DNAH17: variants seen among roughly 807,000 people sequenced by gnomAD.
DNAH17 encodes axonemal beta dynein heavy chain 17.
DNAH17 carries 376 observed loss-of-function variants against 485.6 expected under a neutral mutation model. The observed-to-expected ratio is 0.77, with a 90% CI of 0.71 to 0.84. The LOEUF (loss-of-function observed/expected upper bound fraction) is 0.84. Ranked by LOEUF, DNAH17 falls within the 40% of genes least tolerant of loss-of-function variation. The pLI is 0.00. For missense variants in DNAH17, 6,370 were observed against 5,839.3 expected, an observed-to-expected ratio of 1.09 and a Z score of -2.96; for synonymous variants, 3,031 against 2,405.9, an observed-to-expected ratio of 1.26 and a Z score of -7.60.
At chr17:78,572,943 C>T (rs763010631) in intron 2 of DNAH17, 49 bp from the exon 3 acceptor site, 25 of 1,553,706 alleles carry the variant, frequency 1.6e-5, no homozygotes, top group Admixed American at 5.5e-5. Context: ...TTCACCAGCT[C>T]GGCAACCGCA....
intron 50 of DNAH17, 125 bp downstream of exon 50, chr17:78,479,360 T>C (rs1317896535): frequency 1.6e-6 from 2 of 1,277,178 alleles, no homozygotes; most frequent in Non-Finnish European, 2.1e-6. Flanking sequence ...AAACATAGCA[T>C]CGTTTTTAAG....
chr17:78,462,043 G>A (rs1443980100), intron 57 of DNAH17, among the ~76,000 whole-genome samples: 2 of 151,990 alleles, frequency 1.3e-5, no homozygotes, highest in Non-Finnish European at 1.5e-5. Flanking sequence ...ATGGTGGCCT[G>A]TGCCCATGGT....
intron 26 of DNAH17, among the ~76,000 whole-genome samples, chr17:78,512,987 C>A (rs376204017): frequency 6.6e-6 from 1 of 151,058 alleles, no homozygotes. Context: ...ACAGCTTCAG[C>A]CCCTTATCAG....
In DNAH17 at chr17:78,467,720, A is replaced by G. The variant is rs572598578; in HGVS notation, c.8778+897T>C. Among the ~76,000 whole-genome samples the G allele has an allele frequency of 2.0e-5, 3 of 152,268 alleles. No individual in the cohort carries two copies. The East Asian group carries it at 5.8e-4, about 29-fold the overall frequency. The stretch of plus-strand genomic sequence containing the variant: ...GTTCTCTGTCCTACTAGGGGAGTTT[A>G]GCCTGCTTACCCTAGAGGTGATGTC... On this transcript the variant is annotated intron_variant, in intron 55 of 80. Transcript: ENST00000389840.
At chr17:78,458,790 A>T in intron 61 of DNAH17, 110 bp from the exon 62 acceptor site, 1 of 1,149,746 alleles carries the variant, frequency 8.7e-7, no homozygotes, top group Non-Finnish European at 1.3e-6. Context: ...AGAGGCTCCC[A>T]CAAAGGCTGA....
intron 6 of DNAH17, 91 bp downstream of exon 6, chr17:78,570,856 CA>C (rs60897530): frequency 0.15 from 43,521 of 287,872 alleles, 6 homozygotes; most frequent in East Asian, 0.16. Context: ...GACTCCCTCT[CA>C]AAAAAAAAAA....
Position 78,442,933 on chromosome 17 carries a change from C to T in DNAH17, c.11528+1671G>A, listed in dbSNP as rs75761977. Among the ~76,000 whole-genome samples the T allele has an allele frequency of 4.9e-3, 749 of 152,330 alleles. 4 individuals carry two copies. The highest frequency in any genetic ancestry group is 0.017 in the African/African-American group (721 of 41,582). On this transcript the variant is annotated intron_variant, in intron 71 of 80. Coordinates refer to ENST00000389840, the MANE Select transcript of DNAH17 (RefSeq NM_173628.4). ...CCAGTGCTGGCTTTGTTATTAGTCA[C>T]GTCTGTTTCAATCTCCTTGCTTTTA...
chr17:78,501,353 T>C lies in DNAH17; in HGVS notation c.5323-9A>G, dbSNP rs377556476. ...GCCTGAGAACTCTCCACCTGCAGGA[T>C]GAGCCGGAGCTCTTGTTGCCAGGTG... On this transcript the variant is annotated splice_polypyrimidine_tract_variant and intron_variant, in intron 34 of 80. Transcript: ENST00000389840. 6.3e-7 allele frequency: 1 copy of C among 1,583,648 alleles called. No homozygotes were observed. Among genetic ancestry groups the C allele is most frequent in the Non-Finnish European group, 8.6e-7 (1 of 1,157,164 alleles).
intron 13 of DNAH17, among the ~76,000 whole-genome samples, chr17:78,558,850 T>C (rs2092089421): frequency 6.6e-6 from 1 of 152,206 alleles, no homozygotes; most frequent in African/African-American, 2.4e-5. Flanking sequence ...ACAAAGCTAT[T>C]CTCAAAGTTG....
At chr17:78,442,926 T>C (rs1202786644) in intron 71 of DNAH17, among the ~76,000 whole-genome samples, 1 of 152,250 alleles carries the variant, frequency 6.6e-6, no homozygotes, top group East Asian at 1.9e-4. Flanking sequence ...GGCTTTGTTA[T>C]TAGTCACGTC....
At position 78,525,060 on chromosome 17, in the gene DNAH17, G is replaced by A; in HGVS notation, c.3813C>T (p.Ala1271=). ...TCAGTAGGCGGACCTCCCGGTGGCA[G>A]GCCTTGAGCTGCTTGTAGTCTGGGA... ...VPVPDYKQLK[A]CHREVRLLKE... The change falls in exon 25 of 81, where the codon GCC becomes GCT. Residue 1271 remains alanine, a synonymous_variant. Transcript: ENST00000389840. 6.2e-7 allele frequency: 1 copy of A among 1,613,858 alleles called. No individual in the cohort carries two copies. The highest frequency in any genetic ancestry group is 8.5e-7 in the Non-Finnish European group (1 of 1,179,840).
At chr17:78,502,496 A>T (rs2090333433) in intron 33 of DNAH17, 95 bp downstream of exon 33, 1 of 1,197,570 alleles carries the variant, frequency 8.4e-7, no homozygotes, top group Non-Finnish European at 1.1e-6. Flanking sequence ...CGCTCCAGGT[A>T]CTCGCCCGGC....
At chr17:78,461,218 A>G (rs2088107282) in intron 58 of DNAH17, among the ~76,000 whole-genome samples, 1 of 152,110 alleles carries the variant, frequency 6.6e-6, no homozygotes, top group Non-Finnish European at 1.5e-5. Context: ...GTTACCATGC[A>G]GGCCCCATTG....
Position 78,507,681 on chromosome 17 carries a change from A to C in DNAH17, c.4361T>G (p.Val1454Gly). ...VLVETLEDNQ[V>G]QLQNLMMSKY... The stretch of plus-strand genomic sequence containing the variant: ...GGACATCATCAGGTTCTGCAGCTGC[A>C]CCTGGTTGTCCTCCAGCGTCTCCAC... The change falls in exon 28 of 81, where the codon GTG (valine) becomes GGG (glycine). Residue 1454 changes from valine to glycine, a missense_variant. Physicochemically the swap from Val to Gly is moderately radical, Grantham distance 109 (BLOSUM62 -3). Coordinates refer to ENST00000389840, the MANE Select transcript of DNAH17 (RefSeq NM_173628.4). The C allele has an allele frequency of 6.2e-7, 1 of 1,612,714 alleles. No individual in the cohort carries two copies.
intron 47 of DNAH17, 34 bp from the exon 48 acceptor site, chr17:78,485,067 G>A (rs375623138): frequency 6.3e-5 from 99 of 1,564,188 alleles, no homozygotes; most frequent in Middle Eastern, 5.1e-4. Flanking sequence ...GCCCGCCTGC[G>A]CCTCCTGAGC....
intron 51 of DNAH17, 22 bp downstream of exon 51, chr17:78,479,003 C>T (rs1367071345): frequency 6.2e-7 from 1 of 1,607,544 alleles, no homozygotes; most frequent in Non-Finnish European, 8.5e-7. Context: ...GCAGGCATGA[C>T]ATAAAGCTAC....
Position 78,502,934 on chromosome 17 carries a change from G to A in DNAH17, c.5034C>T (p.Thr1678=). The A allele has an allele frequency of 6.2e-7, 1 of 1,613,978 alleles. No individual in the cohort carries two copies. Among genetic ancestry groups the A allele is most frequent in the Non-Finnish European group, 8.5e-7 (1 of 1,179,920 alleles). The part of the protein sequence containing the change: ...LRHEIPEAVV[T]YEEKPREQWI... ...ACTGCTCCCTCGGCTTCTCTTCGTA[G>A]GTCACCACGGCCTCTGGGATTTCGT... Residue 1678 remains threonine (T), a synonymous_variant, in exon 32 of 81, where the codon ACC becomes ACT. Coordinates refer to ENST00000389840, the MANE Select transcript of DNAH17 (RefSeq NM_173628.4).
At chr17:78,531,443 A>G (rs1273254854) in intron 20 of DNAH17, among the ~76,000 whole-genome samples, 1 of 146,432 alleles carries the variant, frequency 6.8e-6, no homozygotes, top group African/African-American at 2.6e-5. Context: ...GGTTCACACC[A>G]TTCTCTTGCC....
chr17:78,429,427 G>T, intron 75 of DNAH17, 127 bp from the exon 76 acceptor site: 1 of 1,066,280 alleles, frequency 9.4e-7, no homozygotes, highest in Non-Finnish European at 1.3e-6. Flanking sequence ...TCGCCCTCCA[G>T]GTCAGCCTCC....
Sources: gnomAD v4.1 joint callset for allele counts (sites outside exome capture counted in the v4.1 genomes callset) on GRCh38, gnomAD v4.1.1 for gene constraint, MANE v1.5 for transcripts, NCBI Gene and HGNC (gene_info 2026-07-23, HGNC 2026-07-21) for gene names.